CNTN5: variants seen among roughly 807,000 people sequenced by gnomAD.
CNTN5 encodes the protein contactin 5, also known as contactin-5.
A neutral mutation model predicts 129.1 loss-of-function variants in CNTN5; 77 were observed. The ratio of observed to expected loss-of-function variants is 0.60; its 90% CI spans 0.50 to 0.72. CNTN5 has a LOEUF of 0.72. CNTN5 is among the 30% of genes least tolerant of loss of function. CNTN5 has a pLI of 0.00. For synonymous variants in CNTN5, 509 were observed against 465.6 expected (o/e 1.09, Z -1.20); for missense variants, 1,478 against 1,328.8 (o/e 1.11, Z -1.75).
chr11:100,163,894 T>G (rs1228949975), intron 13 of CNTN5, among the ~76,000 whole-genome samples: 1 of 151,878 alleles, frequency 6.6e-6, no homozygotes, highest in East Asian at 1.9e-4. Context: ...TTTATATCAT[T>G]TAGTCCCCAA....
At chr11:99,761,723 A>G (rs1254965114) in intron 3 of CNTN5, among the ~76,000 whole-genome samples, 1 of 150,248 alleles carries the variant, frequency 6.7e-6, no homozygotes, top group Non-Finnish European at 1.5e-5. Flanking sequence ...CGCAATAAAC[A>G]TACGTGTGCA....
At chr11:99,058,441 T>C (rs1007135729) in intron 1 of CNTN5, among the ~76,000 whole-genome samples, 5 of 152,044 alleles carry the variant, frequency 3.3e-5, no homozygotes, top group African/African-American at 1.2e-4. Flanking sequence ...AAAATCACTG[T>C]TTACATTTAT....
intron 2 of CNTN5, among the ~76,000 whole-genome samples, chr11:99,422,344 C>A (rs1038724824): frequency 6.6e-6 from 1 of 151,506 alleles, no homozygotes; most frequent in East Asian, 1.9e-4. Context: ...CTATGAATGA[C>A]AACTCACTCT....
chr11:99,887,239 G>T (rs1239165258), intron 6 of CNTN5, among the ~76,000 whole-genome samples: 2 of 152,194 alleles, frequency 1.3e-5, no homozygotes, highest in East Asian at 1.9e-4. Context: ...TTCCACCGTG[G>T]TTTTGACCAA....
intron 10 of CNTN5, among the ~76,000 whole-genome samples, chr11:100,064,341 A>G (rs1943609007): frequency 6.6e-6 from 1 of 152,166 alleles, no homozygotes; most frequent in Non-Finnish European, 1.5e-5. Flanking sequence ...TAAAAGTGCT[A>G]TATAGATAGT....
chr11:100,227,331 A>G (rs1480617253), intron 16 of CNTN5, among the ~76,000 whole-genome samples: 1 of 152,170 alleles, frequency 6.6e-6, no homozygotes, highest in Non-Finnish European at 1.5e-5. Context: ...CTTGCCGCTC[A>G]TGAACACTAA....
intron 6 of CNTN5, among the ~76,000 whole-genome samples, chr11:99,901,737 A>C (rs753093134): frequency 6.0e-4 from 92 of 152,218 alleles, no homozygotes; most frequent in Non-Finnish European, 1.1e-3. Flanking sequence ...AATTAATATT[A>C]GTTTAATAAA....
chr11:99,902,072 C>T (rs1949371728), intron 6 of CNTN5, among the ~76,000 whole-genome samples: 1 of 152,048 alleles, frequency 6.6e-6, no homozygotes, highest in African/African-American at 2.4e-5. Flanking sequence ...TTATACATTG[C>T]AGATGTGTAA....
At chr11:99,694,392 A>G (rs930767334) in intron 3 of CNTN5, among the ~76,000 whole-genome samples, 2 of 152,182 alleles carry the variant, frequency 1.3e-5, no homozygotes, top group Admixed American at 1.3e-4. Context: ...CACAAAGGCA[A>G]AAATAAGTAT....
intron 2 of CNTN5, among the ~76,000 whole-genome samples, chr11:99,394,539 C>A (rs1350786577): frequency 1.3e-5 from 2 of 151,054 alleles, no homozygotes; most frequent in Admixed American, 6.6e-5. Context: ...TGTTTTATTG[C>A]CCTTTTTAAA....
chr11:99,943,465 T>G (rs748884489), intron 7 of CNTN5, among the ~76,000 whole-genome samples: 8 of 152,094 alleles, frequency 5.3e-5, no homozygotes, highest in Non-Finnish European at 8.8e-5. Context: ...TGCAAAAATT[T>G]TCTCCCGTTC....
At chr11:99,570,478 G>A (rs1475364892) in intron 3 of CNTN5, among the ~76,000 whole-genome samples, 2 of 152,148 alleles carry the variant, frequency 1.3e-5, no homozygotes, top group Admixed American at 1.3e-4. Context: ...AAGATATTGT[G>A]TATTGGGGAT....
At chr11:99,397,032 A>T (rs1504720) in intron 2 of CNTN5, among the ~76,000 whole-genome samples, 151,643 of 151,802 alleles carry the variant, frequency 1, 75,743 homozygotes, top group Non-Finnish European at 1. Flanking sequence ...AAAATCTAAT[A>T]GATAGGAAGA....
At chr11:99,658,500 T>C (rs1279501227) in intron 3 of CNTN5, among the ~76,000 whole-genome samples, 1 of 152,066 alleles carries the variant, frequency 6.6e-6, no homozygotes, top group African/African-American at 2.4e-5. Flanking sequence ...ACAGAGTATA[T>C]AGTAAATATT....
chr11:100,043,250 T>C (rs1036044709), intron 9 of CNTN5, among the ~76,000 whole-genome samples: 1 of 152,240 alleles, frequency 6.6e-6, no homozygotes, highest in Non-Finnish European at 1.5e-5. Flanking sequence ...TGTTATGTAC[T>C]ATATAAATGC....
chr11:99,630,828 G>T (rs186225912), intron 3 of CNTN5, among the ~76,000 whole-genome samples: 3 of 151,980 alleles, frequency 2.0e-5, no homozygotes, highest in Non-Finnish European at 4.4e-5. Context: ...CACCCTTGTG[G>T]ACCATTTGCT....
intron 2 of CNTN5, among the ~76,000 whole-genome samples, chr11:99,361,825 C>T (rs2136109679): frequency 6.6e-6 from 1 of 152,118 alleles, no homozygotes; most frequent in Admixed American, 6.5e-5. Context: ...AATTCTATTC[C>T]TATTAAAGGC....
chr11:100,308,622 T>A, intron 21 of CNTN5, 154 bp downstream of exon 21: 1 of 1,354,544 alleles, frequency 7.4e-7, no homozygotes, highest in African/African-American at 1.5e-5. Flanking sequence ...TTTACTGGGA[T>A]GTGTTATGTT....
At chr11:99,777,104 AC>A (rs1945150125) in intron 3 of CNTN5, among the ~76,000 whole-genome samples, 1 of 151,890 alleles carries the variant, frequency 6.6e-6, no homozygotes, top group Non-Finnish European at 1.5e-5. Context: ...TATTATTATA[AC>A]TTTAAAGAAA....
Sources: allele counts gnomAD v4.1 joint callset (sites outside exome capture counted in the v4.1 genomes callset), GRCh38; gene constraint gnomAD v4.1.1; transcripts MANE v1.5; gene names NCBI Gene and HGNC (gene_info 2026-07-23, HGNC 2026-07-21).